The following KMO variants were observed in gnomAD, a reference collection of about 807,000 sequenced individuals.
The protein encoded by KMO is kynurenine 3-hydroxylase.
Under a neutral mutation model 57.8 loss-of-function variants are expected in KMO, and 24 were observed. The observed-to-expected ratio is 0.42, with a 90% CI of 0.30 to 0.58. The LOEUF (loss-of-function observed/expected upper bound fraction) is 0.58. Ranked by LOEUF, KMO falls within the 20% of genes least tolerant of loss-of-function variation. The pLI is 0.22. For missense variants in KMO, 483 were observed against 588.2 expected, an observed-to-expected ratio of 0.82 and a Z score of 1.85; for synonymous variants, 210 against 193.6, an observed-to-expected ratio of 1.08 and a Z score of -0.70.
chr1:241,546,627 G>A (rs748023806), intron 1 of KMO, among the ~76,000 whole-genome samples: 1 of 152,076 alleles, frequency 6.6e-6, no homozygotes, highest in Non-Finnish European at 1.5e-5. Flanking sequence ...AAGGAGAGAC[G>A]GTGACTCCTA....
chr1:241,572,155 A>G (rs1050239282), intron 10 of KMO, among the ~76,000 whole-genome samples: 1 of 151,874 alleles, frequency 6.6e-6, no homozygotes, highest in Non-Finnish European at 1.5e-5. Context: ...ATGAGCCACC[A>G]CGCCCGGGCA....
At chr1:241,543,206 C>T (rs1256831927) in intron 1 of KMO, among the ~76,000 whole-genome samples, 1 of 152,112 alleles carries the variant, frequency 6.6e-6, no homozygotes, top group Non-Finnish European at 1.5e-5. Context: ...ACTCTGTACT[C>T]GTCCCCCACC....
chr1:241,585,505 C>T (rs1437909527), intron 10 of KMO, among the ~76,000 whole-genome samples: 1 of 151,962 alleles, frequency 6.6e-6, no homozygotes, highest in African/African-American at 2.4e-5. Flanking sequence ...CGCTTGTAAT[C>T]CCAGCACTTT....
intron 1 of KMO, among the ~76,000 whole-genome samples, chr1:241,536,245 C>T (rs773814429): frequency 1.3e-5 from 2 of 152,044 alleles, no homozygotes; most frequent in Non-Finnish European, 2.9e-5. Context: ...AATTCTAGCA[C>T]ATCATTTCAA....
At chr1:241,544,179 C>T (rs2147943738) in intron 1 of KMO, among the ~76,000 whole-genome samples, 1 of 152,306 alleles carries the variant, frequency 6.6e-6, no homozygotes, top group East Asian at 1.9e-4. Context: ...TAGATTTTCA[C>T]TGATCACTTG....
intron 1 of KMO, among the ~76,000 whole-genome samples, chr1:241,546,759 A>C (rs994297445): frequency 6.6e-6 from 1 of 152,196 alleles, no homozygotes; most frequent in Non-Finnish European, 1.5e-5. Context: ...GTTGATTTTG[A>C]GGTGCTTTGA....
intron 10 of KMO, among the ~76,000 whole-genome samples, chr1:241,579,376 G>T (rs1222692382): frequency 6.6e-6 from 1 of 152,062 alleles, no homozygotes; most frequent in Non-Finnish European, 1.5e-5. Context: ...AGGTGGAGGG[G>T]TGAAGCCAGG....
At chr1:241,532,612 G>T in intron 1 of KMO, 114 bp downstream of exon 1, 1 of 753,312 alleles carries the variant, frequency 1.3e-6, no homozygotes, top group Non-Finnish European at 2.2e-6. Context: ...TGAAAACTCT[G>T]ATATTTAAAT....
At chr1:241,540,158 G>T (rs763348669) in intron 1 of KMO, among the ~76,000 whole-genome samples, 6 of 152,022 alleles carry the variant, frequency 3.9e-5, no homozygotes, top group Admixed American at 2.0e-4. Flanking sequence ...GTTGCCATTG[G>T]TGGTAAAATT....
At chr1:241,569,237 C>A (rs1160428864) in intron 10 of KMO, among the ~76,000 whole-genome samples, 1 of 151,996 alleles carries the variant, frequency 6.6e-6, no homozygotes, top group Non-Finnish European at 1.5e-5. Flanking sequence ...CACATTCACC[C>A]TATTGTGATG....
intron 1 of KMO, among the ~76,000 whole-genome samples, chr1:241,547,405 C>G (rs1661190179): frequency 6.6e-6 from 1 of 151,688 alleles, no homozygotes; most frequent in African/African-American, 2.4e-5. Flanking sequence ...TATATTCAGA[C>G]TCTATGAACA....
intron 6 of KMO, 150 bp from the exon 7 acceptor site, chr1:241,562,017 T>C: frequency 1.6e-6 from 1 of 629,350 alleles, no homozygotes; most frequent in Non-Finnish European, 2.8e-6. Context: ...ATCTAAATGT[T>C]ACATCTATTA....
At chr1:241,559,929 T>C (rs1248790659) in intron 5 of KMO, among the ~76,000 whole-genome samples, 1 of 152,182 alleles carries the variant, frequency 6.6e-6, no homozygotes. Context: ...ATTCCAGCTC[T>C]AACACCTGTA....
At position 241,549,260 on chromosome 1, in the gene KMO, A is replaced by AGACG. The variant is rs1661294321; in HGVS notation, c.124+364_124+365insCGGA. ...AAGAAAGAAAGAAAGAAAGAAAGAA[A>AGACG]GAAAGAAAGGAAGGAAGAAAGAAAG... On this transcript the variant is annotated intron_variant, in intron 2 of 14. Transcript: ENST00000366559. Among the ~76,000 whole-genome samples, 7 of 139,032 alleles carry AGACG rather than the reference A, an allele frequency of 5.0e-5. 1 individual carries two copies. Among genetic ancestry groups the AGACG allele is most frequent in the East Asian group, 2.1e-4 (1 of 4,828 alleles). 91.2% of individuals were successfully genotyped at this position (139,032 alleles called of 152,430 possible). A position where few individuals can be genotyped will look rare whatever the true frequency, so the allele number is the denominator to read the frequency against.
At position 241,590,092 on chromosome 1, in the gene KMO, C is replaced by T. The variant is rs118152617; in HGVS notation, c.1179C>T (p.Thr393=). The T allele has an allele frequency of 6.8e-6, 11 of 1,613,498 alleles. No individual in the cohort carries two copies. In the Admixed American group the frequency reaches 1.2e-4, roughly 17 times the overall value. The change falls in exon 13 of 15, where the codon ACC becomes ACT. Residue 393 remains threonine, a synonymous_variant. Coordinates refer to ENST00000366559, the MANE Select transcript of KMO (RefSeq NM_003679.5). ...ERFLHAIMPS[T]FIPLYTMVTF... is the part of the protein sequence containing the mutation. ...TTCTTCATGCGATTATGCCATCGACCTTTATCCCTCTCTATACAATGGTAA... is the reference window on the plus strand; with the variant it reads ...TTCTTCATGCGATTATGCCATCGACTTTTATCCCTCTCTATACAATGGTAA...
chr1:241,579,633 C>T, intron 10 of KMO, among the ~76,000 whole-genome samples: 1 of 152,110 alleles, frequency 6.6e-6, no homozygotes, highest in African/African-American at 2.4e-5. Context: ...AGGAAGTCTA[C>T]ACTCAAAACT....
intron 1 of KMO, among the ~76,000 whole-genome samples, chr1:241,548,054 T>C (rs1661214413): frequency 6.9e-6 from 1 of 144,774 alleles, no homozygotes; most frequent in Admixed American, 7.0e-5. Flanking sequence ...TCCCACAATG[T>C]TGCCTTAGAG....
At chr1:241,563,184 G>T (rs191445547) in intron 7 of KMO, among the ~76,000 whole-genome samples, 122 of 152,214 alleles carry the variant, frequency 8.0e-4, no homozygotes, top group East Asian at 4.8e-3. Flanking sequence ...TCATTTCCTG[G>T]TTAAACCATA....
rs1663463312 is a variant in KMO at position 241,595,159 on chromosome 1, T to C, written c.*3006T>C. The C allele has an allele frequency of 6.5e-6, 1 of 153,288 alleles. No homozygotes were observed. Among genetic ancestry groups the C allele is most frequent in the Non-Finnish European group, 1.5e-5 (1 of 68,842 alleles). 9.5% of individuals were successfully genotyped at this position (153,288 alleles called of 1,614,324 possible). On this transcript the variant is annotated 3_prime_UTR_variant, in exon 15 of 15. Coordinates refer to ENST00000366559, the MANE Select transcript of KMO (RefSeq NM_003679.5). ...CTCTTTAATTAGGTGAAGAATTTTT[T>C]TTTTCTATCGAAATTACTAATCAGT...
Sources: allele counts gnomAD v4.1 joint callset (sites outside exome capture counted in the v4.1 genomes callset), GRCh38; gene constraint gnomAD v4.1.1; transcripts MANE v1.5; gene names NCBI Gene and HGNC (gene_info 2026-07-23, HGNC 2026-07-21).